The following CAMKMT variants were observed in gnomAD, a reference collection of about 807,000 sequenced individuals.
The protein encoded by CAMKMT is calmodulin-lysine N-methyltransferase.
In CAMKMT, 53 loss-of-function variants were observed where a neutral mutation model predicts 48.0. That is an observed-to-expected ratio of 1.10 (90% confidence interval 0.89 to 1.39). The LOEUF is 1.39. CAMKMT is among the 40% of genes most tolerant of loss of function. CAMKMT has a pLI of 0.00. For synonymous variants in CAMKMT, 165 were observed against 152.3 expected, an observed-to-expected ratio of 1.08 and a Z score of -0.61; for missense variants, 428 against 402.7, an observed-to-expected ratio of 1.06 and a Z score of -0.54.
intron 3 of CAMKMT, among the ~76,000 whole-genome samples, chr2:44,612,145 C>T (rs937396928): frequency 1.6e-4 from 25 of 152,046 alleles, no homozygotes; most frequent in Middle Eastern, 3.4e-3. Context: ...CTTTTATGCA[C>T]TGGAATTGTG....
intron 3 of CAMKMT, among the ~76,000 whole-genome samples, chr2:44,457,642 C>T (rs1179062268): frequency 1.3e-5 from 2 of 152,144 alleles, no homozygotes; most frequent in East Asian, 3.8e-4. Flanking sequence ...CGTGATCCAC[C>T]CGCCTTGGCC....
intron 3 of CAMKMT, among the ~76,000 whole-genome samples, chr2:44,701,220 G>C (rs1012307917): frequency 7.2e-5 from 11 of 152,164 alleles, no homozygotes; most frequent in Middle Eastern, 3.2e-3. Flanking sequence ...TTTCCAAAGT[G>C]GCTACATGAT....
intron 3 of CAMKMT, among the ~76,000 whole-genome samples, chr2:44,620,758 T>C (rs1268793708): frequency 6.6e-6 from 1 of 152,230 alleles, no homozygotes; most frequent in Non-Finnish European, 1.5e-5. Flanking sequence ...ACAGATTCTT[T>C]CTTCCAAAAA....
chr2:44,587,886 T>C (rs1669964320), intron 3 of CAMKMT, among the ~76,000 whole-genome samples: 1 of 120,918 alleles, frequency 8.3e-6, no homozygotes, highest in Non-Finnish European at 1.8e-5. Context: ...TTGCAGCCTC[T>C]GCCCGGCCGC....
At chr2:44,548,679 CAGG>C (rs1667537673) in intron 3 of CAMKMT, among the ~76,000 whole-genome samples, 1 of 152,078 alleles carries the variant, frequency 6.6e-6, no homozygotes, top group Non-Finnish European at 1.5e-5. Flanking sequence ...AGAGACGAAG[CAGG>C]AGAAGGATTT....
chr2:44,494,327 C>G (rs778421741), intron 3 of CAMKMT, among the ~76,000 whole-genome samples: 1 of 152,084 alleles, frequency 6.6e-6, no homozygotes, highest in Non-Finnish European at 1.5e-5. Context: ...GAATTGTGTC[C>G]TCTTGAGATT....
intron 3 of CAMKMT, among the ~76,000 whole-genome samples, chr2:44,673,477 GGA>G (rs1675465640): frequency 3.1e-4 from 35 of 113,770 alleles, no homozygotes; most frequent in African/African-American, 1.2e-3. Flanking sequence ...GAGAGAGGAA[GGA>G]AGGAAGGAAG....
intron 3 of CAMKMT, among the ~76,000 whole-genome samples, chr2:44,688,371 T>C (rs1164335652): frequency 6.6e-6 from 1 of 152,034 alleles, no homozygotes; most frequent in Non-Finnish European, 1.5e-5. Context: ...GAGCAGACTG[T>C]CACATTTCCT....
At chr2:44,683,116 T>G (rs1412441223) in intron 3 of CAMKMT, among the ~76,000 whole-genome samples, 1 of 152,162 alleles carries the variant, frequency 6.6e-6, no homozygotes, top group Non-Finnish European at 1.5e-5. Flanking sequence ...TTAGGTAAGC[T>G]GCAGCTGAAT....
intron 3 of CAMKMT, among the ~76,000 whole-genome samples, chr2:44,612,412 A>G (rs1242319391): frequency 6.6e-6 from 1 of 152,210 alleles, no homozygotes. Flanking sequence ...GAAATGGTGT[A>G]TTTATTGACT....
intron 2 of CAMKMT, among the ~76,000 whole-genome samples, chr2:44,381,587 G>T (rs1027485175): frequency 4.6e-5 from 7 of 152,132 alleles, no homozygotes; most frequent in African/African-American, 1.7e-4. Context: ...CCAACATAAA[G>T]TTCTGGTTCA....
At chr2:44,385,144 C>T (rs1157968799) in intron 2 of CAMKMT, among the ~76,000 whole-genome samples, 1 of 151,984 alleles carries the variant, frequency 6.6e-6, no homozygotes, top group Admixed American at 6.6e-5. Context: ...TTTGTGTCGT[C>T]TGTGATTTCT....
chr2:44,715,150 G>A (rs527657414), intron 6 of CAMKMT, 137 bp from the exon 7 acceptor site: 219 of 528,288 alleles, frequency 4.1e-4, no homozygotes, highest in Non-Finnish European at 6.4e-4. Context: ...CTGAGATCAC[G>A]CCACTGCACT....
chr2:44,716,280 C>T (rs746863874), intron 7 of CAMKMT, among the ~76,000 whole-genome samples: 13 of 152,188 alleles, frequency 8.5e-5, no homozygotes, highest in Non-Finnish European at 1.6e-4. Context: ...GTTATATAAA[C>T]TACTCATTAA....
At chr2:44,634,591 C>A (rs1171702093) in intron 3 of CAMKMT, among the ~76,000 whole-genome samples, 1 of 151,740 alleles carries the variant, frequency 6.6e-6, no homozygotes, top group East Asian at 1.9e-4. Flanking sequence ...TGCTAGGTAC[C>A]ATGCCAGGAT....
chr2:44,697,538 G>A (rs1300443438), intron 3 of CAMKMT, among the ~76,000 whole-genome samples: 1 of 152,142 alleles, frequency 6.6e-6, no homozygotes, highest in African/African-American at 2.4e-5. Context: ...CTTAGCAAAT[G>A]AGGGGGGAAA....
chr2:44,365,379 T>G (rs1558538376), intron 1 of CAMKMT, among the ~76,000 whole-genome samples: 1 of 152,314 alleles, frequency 6.6e-6, no homozygotes, highest in East Asian at 1.9e-4. Flanking sequence ...TGGTTCCAGG[T>G]TACATGGTAA....
chr2:44,581,013 A>T lies in CAMKMT; in HGVS notation c.377-123270A>T, dbSNP rs146083286. 2.2e-3 allele frequency among the ~76,000 whole-genome samples: 328 copies of T among 152,164 alleles called. 1 individual carries two copies. The highest frequency in any genetic ancestry group is 7.6e-3 in the African/African-American group (314 of 41,516). ...GATTATTACTCATTTCAGTGACCCT[A>T]CTTTATGACAGAGCACTCTGTATTA... On this transcript the variant is annotated intron_variant, in intron 3 of 10. Transcript: ENST00000378494.
At chr2:44,507,171 C>G (rs895192568) in intron 3 of CAMKMT, among the ~76,000 whole-genome samples, 1 of 151,972 alleles carries the variant, frequency 6.6e-6, no homozygotes, top group Admixed American at 6.5e-5. Flanking sequence ...TTAACTTTGA[C>G]TGAAATGACA....
Sources: allele counts gnomAD v4.1 joint callset (sites outside exome capture counted in the v4.1 genomes callset), GRCh38; gene constraint gnomAD v4.1.1; transcripts MANE v1.5; gene names NCBI Gene and HGNC (gene_info 2026-07-23, HGNC 2026-07-21).